Variants in SHOX observed in about 807,000 individuals in gnomAD.
SHOX encodes the protein SHOX homeobox.
In SHOX, 12 loss-of-function variants were observed where a neutral mutation model predicts 29.6. That is an observed-to-expected ratio of 0.41 (90% CI 0.26 to 0.66). SHOX has a LOEUF of 0.66. Among genes scored for constraint, SHOX ranks in the 30% least tolerant of loss-of-function variants. The probability of loss-of-function intolerance (pLI) is 0.35; values close to 1 mark genes in which losing one functional copy is unlikely to be tolerated. For missense variants in SHOX, 499 were observed against 437.7 expected (o/e 1.14, Z -1.25); for synonymous variants, 214 against 200.6 (o/e 1.07, Z -0.57).
rs2053033252 is a variant in SHOX at position 650,187 on chromosome X, G to C, written c.*5551G>C. Among the ~76,000 whole-genome samples, 3 of 152,232 alleles carry C rather than the reference G, an allele frequency of 2.0e-5. No individual in the cohort carries two copies. The highest frequency in any genetic ancestry group is 4.4e-5 in the Non-Finnish European group (3 of 68,034). Reference sequence around the variant, plus strand: ...GAGATGGGACAGATTCTGTGCCTCTGTACGATTTAGAGCGTAACTGACCGC... The same window carrying C: ...GAGATGGGACAGATTCTGTGCCTCTCTACGATTTAGAGCGTAACTGACCGC... On this transcript the variant is annotated 3_prime_UTR_variant, in exon 5 of 5. Transcript: ENST00000686671.
chrX:631,153 G>A lies in SHOX; in HGVS notation c.256G>A (p.Gly86Ser), dbSNP rs777653076. The change falls in exon 1 of 5, where the codon GGC becomes AGC. Residue 86 changes from glycine to serine, a missense_variant. Transcript: ENST00000686671. ...TGACAAGGAGAAACTGAAAGAATTC[G>A]GCACCGCGAGAGTGGCAGAAGGTAA... ...DNDKEKLKEF[G>S]TARVAEGIYE... 4 of 1,613,158 alleles carry A rather than the reference G, an allele frequency of 2.5e-6. No homozygotes were observed. The highest frequency in any genetic ancestry group is 2.5e-6 in the Non-Finnish European group (3 of 1,179,864).
At chrX:632,164 C>T (rs1157760833) in intron 1 of SHOX, among the ~76,000 whole-genome samples, 1 of 152,242 alleles carries the variant, frequency 6.6e-6, no homozygotes, top group African/African-American at 2.4e-5. Flanking sequence ...CGCGAGGGGC[C>T]CCGGGGAAGC....
upstream of SHOX, among the ~76,000 whole-genome samples, chrX:627,818 C>T (rs1387145850): frequency 6.6e-6 from 1 of 152,104 alleles, no homozygotes; most frequent in Admixed American, 6.5e-5. Context: ...ACGGGACCCC[C>T]CAGGAAAGCC....
chrX:653,202 T>C (rs1427253241), downstream of SHOX, among the ~76,000 whole-genome samples: 6 of 152,054 alleles, frequency 3.9e-5, no homozygotes, highest in East Asian at 1.9e-4. Flanking sequence ...GATCGCGCCA[T>C]TGCACTCCAG....
In SHOX at chrX:644,380, C is replaced by G; in HGVS notation, c.634-11C>G. Reference sequence around the variant, plus strand: ...TCCTGCGCCCTCACCCCGCCGGGTCCGCTCCCGCAGGTCCAGGCTCAGCTG... The same window carrying G: ...TCCTGCGCCCTCACCCCGCCGGGTCGGCTCCCGCAGGTCCAGGCTCAGCTG... On this transcript the variant is annotated splice_polypyrimidine_tract_variant and intron_variant, in intron 4 of 4. Transcript: ENST00000686671. 6.6e-7 allele frequency: 1 copy of G among 1,518,660 alleles called. No homozygotes were observed. The allele number at this position is 1,518,660 out of a possible 1,614,324, so 94.1% of individuals were successfully genotyped here. A position where few individuals can be genotyped will look rare whatever the true frequency, so the allele number is the denominator to read the frequency against.
chrX:641,229 C>G (rs1261056903), intron 4 of SHOX, 142 bp downstream of exon 4: 2 of 871,212 alleles, frequency 2.3e-6, no homozygotes, highest in Non-Finnish European at 3.8e-6. Flanking sequence ...AAAAAAGCCT[C>G]TTTTCCGAGG....
At chrX:635,342 G>C (rs529966519) in intron 2 of SHOX, among the ~76,000 whole-genome samples, 7 of 152,138 alleles carry the variant, frequency 4.6e-5, no homozygotes, top group Non-Finnish European at 7.4e-5. Flanking sequence ...ATTCCCCTCC[G>C]TCTTCCCGTG....
At chrX:654,600 AT>A (rs113306211), downstream of SHOX, among the ~76,000 whole-genome samples, 26,180 of 152,074 alleles carry the variant, frequency 0.17, 3,572 homozygotes, top group African/African-American at 0.38. Flanking sequence ...TTTTATAACA[AT>A]TAAAAAAAGT....
chrX:650,791 T>TAAAA lies in SHOX; in HGVS notation c.*6155_*6156insAAAA, dbSNP rs1569495959. Among the ~76,000 whole-genome samples the TAAAA allele has an allele frequency of 7.7e-4, 23 of 29,868 alleles. No homozygotes were observed. The highest frequency in any genetic ancestry group is 2.5e-3 in the South Asian group (2 of 790). 19.6% of individuals were successfully genotyped at this position (29,868 alleles called of 152,430 possible). ...AGGCTTTCGGTGGACACGTTTGACA[T>TAAAA]TAAAAAAAAAAAAAAAAAAAAAAAA... On this transcript the variant is annotated 3_prime_UTR_variant, in exon 5 of 5. Transcript: ENST00000686671.
At chrX:654,166 G>T (rs140698622), downstream of SHOX, among the ~76,000 whole-genome samples, 699 of 151,860 alleles carry the variant, frequency 4.6e-3, 7 homozygotes, top group East Asian at 0.032. Flanking sequence ...GGCTGGGCTC[G>T]GTGGCTCACA....
rs762034868 is a variant in SHOX, at chrX:631,383, G to T, written c.277+209G>T. Among the ~76,000 whole-genome samples, 3 of 152,292 alleles carry T rather than the reference G, an allele frequency of 2.0e-5. No individual in the cohort carries two copies. In the South Asian group the frequency reaches 6.2e-4, roughly 32 times the overall value. On this transcript the variant is annotated intron_variant, in intron 1 of 4. Coordinates refer to ENST00000686671, the MANE Select transcript of SHOX (RefSeq NM_000451.4). ...ACGCGGGTGGTGGGTAGCGGGGTGC[G>T]GGGGGACCCAGGGAGGGTCGCAGCG...
intron 1 of SHOX, among the ~76,000 whole-genome samples, chrX:633,478 C>G (rs34013327): frequency 0.015 from 1,331 of 86,254 alleles, 7 homozygotes; most frequent in Non-Finnish European, 0.022. Flanking sequence ...GAATGTAGCT[C>G]GGGGTGGGGT....
chrX:626,879 T>A (rs1392377576), upstream of SHOX, among the ~76,000 whole-genome samples: 4 of 150,734 alleles, frequency 2.7e-5, no homozygotes, highest in African/African-American at 9.8e-5. Context: ...TCTTTGTCTC[T>A]CTCCTCTCTG....
chrX:643,781 G>A (rs1356767914), intron 4 of SHOX, among the ~76,000 whole-genome samples: 1 of 137,180 alleles, frequency 7.3e-6, no homozygotes, highest in Non-Finnish European at 1.5e-5. Context: ...GGTGTCCTGG[G>A]GAGAGGCTGG....
At chrX:655,927 C>T (rs2053140065), downstream of SHOX, among the ~76,000 whole-genome samples, 1 of 151,766 alleles carries the variant, frequency 6.6e-6, no homozygotes, top group Admixed American at 6.6e-5. Flanking sequence ...GTTGTAATCT[C>T]AGCACTCTGG....
At position 649,847 on chromosome X, in the gene SHOX, CA is replaced by C. The variant is rs995171166; in HGVS notation, c.*5217del. On this transcript the variant is annotated 3_prime_UTR_variant, in exon 5 of 5. Coordinates refer to ENST00000686671, the MANE Select transcript of SHOX (RefSeq NM_000451.4). ...AGGGTTGTCAGTCGCCGCAGTTGAG[CA>C]AAAAACACTTCTTCCTTTGAGTGGC... 11 of 453,200 alleles carry C rather than the reference CA, an allele frequency of 2.4e-5. No individual in the cohort carries two copies. The highest frequency in any genetic ancestry group is 1.2e-4 in the African/African-American group (6 of 49,978). 28.1% of individuals were successfully genotyped at this position (453,200 alleles called of 1,614,324 possible).
chrX:641,184 C>T, intron 4 of SHOX, 97 bp downstream of exon 4: 1 of 1,171,326 alleles, frequency 8.5e-7, no homozygotes, highest in East Asian at 2.4e-5. Flanking sequence ...CCTAGTCCCT[C>T]CCTGCCCCTG....
At chrX:638,658 T>C (rs1209220193) in intron 2 of SHOX, among the ~76,000 whole-genome samples, 3 of 152,168 alleles carry the variant, frequency 2.0e-5, no homozygotes, top group Non-Finnish European at 4.4e-5. Flanking sequence ...GCTTCCGTGT[T>C]GGGTTCAAGA....
downstream of SHOX, among the ~76,000 whole-genome samples, chrX:655,494 C>G (rs181501661): frequency 7.3e-5 from 11 of 151,240 alleles, no homozygotes; most frequent in East Asian, 2.2e-3. Flanking sequence ...GATCCCAGTA[C>G]TGTGGGAGGC....
Sources: gnomAD v4.1 joint callset for allele counts (sites outside exome capture counted in the v4.1 genomes callset) on GRCh38, gnomAD v4.1.1 for gene constraint, MANE v1.5 for transcripts, NCBI Gene and HGNC (gene_info 2026-07-23, HGNC 2026-07-21) for gene names.